The following KMT2D variants were observed in gnomAD, a reference collection of about 807,000 sequenced individuals.
KMT2D encodes the protein histone-lysine N-methyltransferase 2D.
Under a neutral mutation model 512.7 loss-of-function variants are expected in KMT2D, and 55 were observed. That is an observed-to-expected ratio of 0.11 (90% CI 0.09 to 0.13). The LOEUF (loss-of-function observed/expected upper bound fraction) is 0.13. Among genes scored for constraint, KMT2D ranks in the 10% least tolerant of loss-of-function variants. The pLI is 1.00. For missense variants in KMT2D, 6,061 were observed against 7,127.9 expected, an observed-to-expected ratio of 0.85 and a Z score of 5.39; for synonymous variants, 2,995 against 2,904.0, an observed-to-expected ratio of 1.03 and a Z score of -1.01.
rs1937709029 is a variant in KMT2D, at chr12:49,048,668, G to C, written c.4122C>G (p.Val1374=). The part of the protein sequence containing the change: ...VVLFSNTDKF[V]LMQDMCVVCG... ...TCTCACTGTATGGTACCTGCATTAG[G>C]ACAAATTTGTCTGTGTTGGAGAAGA... The change falls in exon 14 of 55, where the codon GTC becomes GTG. Residue 1374 remains valine, a synonymous_variant. Coordinates refer to ENST00000301067, the MANE Select transcript of KMT2D (RefSeq NM_003482.4). 6.2e-7 allele frequency: 1 copy of C among 1,607,912 alleles called. No individual in the cohort carries two copies. The highest frequency in any genetic ancestry group is 8.5e-7 in the Non-Finnish European group (1 of 1,174,484).
In KMT2D at chr12:49,042,915, G is replaced by T; in HGVS notation, c.5645-37C>A. ...TGAAGGACACTGTTGAGGAAGACTG[G>T]GAAGTTCAGGTGACACCACAGGTCT... is the stretch of plus-strand genomic sequence containing the variant. On this transcript the variant is annotated intron_variant, in intron 26 of 54. Transcript: ENST00000301067. The surrounding 1 kb of genome is among the most constrained non-coding windows in gnomAD (Gnocchi z 4.4). 6.2e-7 allele frequency: 1 copy of T among 1,612,434 alleles called. No individual in the cohort carries two copies. Among genetic ancestry groups the T allele is most frequent in the Non-Finnish European group, 8.5e-7 (1 of 1,178,900 alleles).
intron 43 of KMT2D, among the ~76,000 whole-genome samples, chr12:49,029,876 G>A (rs1300599572): frequency 6.6e-6 from 1 of 152,134 alleles, no homozygotes; most frequent in Non-Finnish European, 1.5e-5. Context: ...TCCATTAAGT[G>A]AGTACTACAA....
rs201896284 is a variant in KMT2D at position 49,051,447 on chromosome 12, G to T, written c.2236C>A (p.Arg746=). The T allele has an allele frequency of 6.2e-7, 1 of 1,612,940 alleles. No individual in the cohort carries two copies. The highest frequency in any genetic ancestry group is 8.5e-7 in the Non-Finnish European group (1 of 1,179,354). Residue 746 remains arginine (R), a synonymous_variant, in exon 11 of 55, where the codon CGG becomes AGG. Transcript: ENST00000301067. ...PRSEGPHLSP[R]PEEPHLSPRP... is the part of the protein sequence containing the mutation. ...GGGGACAGGTGCGGCTCCTCAGGCC[G>T]GGGTGACAGGTGCGGCCCCTCGGAC...
rs1228965900 is a variant in KMT2D, at chr12:49,051,351, ATGGCTCCTCAGGCTGGGGGGACAGGTG to A, written c.2305_2331del (p.His769_Pro777del). Reference sequence around the variant, plus strand: ...GGCTCCTCAGGCACAGCGCATAGGCATGGCTCCTCAGGCTGGGGGGACAGGTGTGGCTCCTCAGCCTGCGGAGATAGG... The same window carrying A: ...GGCTCCTCAGGCACAGCGCATAGGCATGGCTCCTCAGCCTGCGGAGATAGG... On this transcript the variant is annotated inframe_deletion, in exon 11 of 55. Transcript: ENST00000301067. The A allele has an allele frequency of 6.4e-7, 1 of 1,557,168 alleles. No individual in the cohort carries two copies. Among genetic ancestry groups the A allele is most frequent in the African/African-American group, 1.5e-5 (1 of 64,956 alleles).
rs748529735 is a variant in KMT2D at position 49,019,458 on chromosome 12, T to G, written c.*2322A>C. Reference sequence around the variant, plus strand: ...AAATTCCAACCTTGTAGCTTGGGTCTGAGTTATAGTTTATATAAAAATTAA... The same window carrying G: ...AAATTCCAACCTTGTAGCTTGGGTCGGAGTTATAGTTTATATAAAAATTAA... On this transcript the variant is annotated 3_prime_UTR_variant, in exon 55 of 55. Coordinates refer to ENST00000301067, the MANE Select transcript of KMT2D (RefSeq NM_003482.4). The G allele has an allele frequency of 3.1e-5, 7 of 223,858 alleles. No homozygotes were observed. Among genetic ancestry groups the G allele is most frequent in the Non-Finnish European group, 6.3e-5 (7 of 111,950 alleles). 13.9% of individuals were successfully genotyped at this position (223,858 alleles called of 1,614,324 possible). A position where few individuals can be genotyped will look rare whatever the true frequency, so the allele number is the denominator to read the frequency against.
intron 1 of KMT2D, among the ~76,000 whole-genome samples, chr12:49,056,751 C>CA (rs1938434095): frequency 6.6e-6 from 1 of 152,216 alleles, no homozygotes; most frequent in African/African-American, 2.4e-5. Context: ...AACTGGAAGG[C>CA]AAATACCCCA....
Position 49,054,935 on chromosome 12 carries a change from C to T in KMT2D, c.141G>A (p.Gly47=). 6.2e-7 allele frequency: 1 copy of T among 1,614,018 alleles called. No homozygotes were observed. ...HVGEVSVLSS[G]SPRLQETPQD... is the part of the protein sequence containing the mutation. ...GAGGAGTCTCCTGAAGCCTGGGACTCCCAGAACTAAGGACAGAGACCTCTC... is the reference window on the plus strand; with the variant it reads ...GAGGAGTCTCCTGAAGCCTGGGACTTCCAGAACTAAGGACAGAGACCTCTC... Residue 47 remains glycine, a synonymous_variant, in exon 3 of 55, where the codon GGG becomes GGA. Transcript: ENST00000301067. This position sits in a 1 kb window ranked among gnomAD's most constrained non-coding sequence, Gnocchi z 6.4.
rs1217331314 is a variant in KMT2D, at chr12:49,040,554, C to T, written c.7216G>A (p.Asp2406Asn). ...CTGGCAGGCACTCGGGAGAAAGGGTCGGAGGGCAGTGAGCGAGGGGGCAGA... is the reference window on the plus strand; with the variant it reads ...CTGGCAGGCACTCGGGAGAAAGGGTTGGAGGGCAGTGAGCGAGGGGGCAGA... ...CALPPRSLPSDPFSRVPASPQ... is the reference protein window; with the variant it reads ...CALPPRSLPSNPFSRVPASPQ... The change falls in exon 32 of 55, where the codon GAC becomes AAC. Residue 2406 changes from aspartate to asparagine, a missense_variant. Physicochemically the swap from Asp to Asn is conservative, Grantham distance 23. Transcript: ENST00000301067. 6 of 1,608,804 alleles carry T rather than the reference C, an allele frequency of 3.7e-6. No individual in the cohort carries two copies. The highest frequency in any genetic ancestry group is 4.2e-6 in the Non-Finnish European group (5 of 1,177,086).
In KMT2D at chr12:49,033,013, G is replaced by T; in HGVS notation, c.11692C>A (p.Gln3898Lys). ...AGCTGCTGCTGCTGCTGAAGCTGCTGTAAAGAGCCCATGGGCTGAGCGCTC... is the reference window on the plus strand; with the variant it reads ...AGCTGCTGCTGCTGCTGAAGCTGCTTTAAAGAGCCCATGGGCTGAGCGCTC... Reference protein sequence around the residue: ...KLSAQPMGSLQQLQQQQQLQQ... With the variant: ...KLSAQPMGSLKQLQQQQQLQQ... The change falls in exon 40 of 55, where the codon CAG becomes AAG. Residue 3898 changes from glutamine (Q) to lysine (K), a missense_variant. By Grantham distance (53) the Gln-to-Lys change is moderately conservative. Coordinates refer to ENST00000301067, the MANE Select transcript of KMT2D (RefSeq NM_003482.4). 6.4e-7 allele frequency: 1 copy of T among 1,551,534 alleles called. No individual in the cohort carries two copies. The highest frequency in any genetic ancestry group is 8.7e-7 in the Non-Finnish European group (1 of 1,146,972).
intron 15 of KMT2D, 57 bp downstream of exon 15, chr12:49,047,908 G>A: frequency 8.1e-7 from 1 of 1,233,096 alleles, no homozygotes. Flanking sequence ...CAAGGAACTA[G>A]GGTAAGAAAT....
rs2120510517 is a variant in KMT2D at position 49,039,338 on chromosome 12, C to T, written c.8250G>A (p.Gly2750=). The change falls in exon 34 of 55, where the codon GGG becomes GGA. Residue 2750 remains glycine (G), a synonymous_variant. Transcript: ENST00000301067. This position sits in a 1 kb window ranked among gnomAD's most constrained non-coding sequence, Gnocchi z 5.0. ...GGCCACTCAGCTTGCTTGGGGGCAA[C>T]CCCACAAGGCTGCTCTTGTCCTAGA... The part of the protein sequence containing the change: ...AGTQDKSSLV[G]LPPSKLSGPI... The T allele has an allele frequency of 6.2e-7, 1 of 1,613,180 alleles. No homozygotes were observed. The highest frequency in any genetic ancestry group is 1.3e-5 in the African/African-American group (1 of 75,032).
At chr12:49,048,157 T>C (rs1037191389) in intron 14 of KMT2D, 88 bp from the exon 15 acceptor site, 2 of 881,598 alleles carry the variant, frequency 2.3e-6, no homozygotes, top group Non-Finnish European at 3.6e-6. Context: ...AACACTGATT[T>C]GCGACCAGAG....
Position 49,046,249 on chromosome 12 carries a change from G to T in KMT2D, c.4583+11C>A, listed in dbSNP as rs1478731022. ...AACAGGGCCAAAGTGAGGAGAAAGG[G>T]ATGTTCTCACCGTTCACAGTGGCGG... On this transcript the variant is annotated intron_variant, in intron 17 of 54. Coordinates refer to ENST00000301067, the MANE Select transcript of KMT2D (RefSeq NM_003482.4). The surrounding 1 kb of genome is among the most constrained non-coding windows in gnomAD (Gnocchi z 4.2). 1.2e-6 allele frequency: 2 copies of T among 1,613,780 alleles called. No homozygotes were observed. The highest frequency in any genetic ancestry group is 2.2e-5 in the East Asian group (1 of 44,896).
In KMT2D at chr12:49,042,129, A is replaced by G; in HGVS notation, c.6069T>C (p.Tyr2023=). The G allele has an allele frequency of 1.9e-6, 3 of 1,613,702 alleles. No individual in the cohort carries two copies. Among genetic ancestry groups the G allele is most frequent in the Non-Finnish European group, 2.5e-6 (3 of 1,179,762 alleles). Reference sequence around the variant, plus strand: ...TGAGATTAGGAAAATTAATGTTGGCATAGAGCACAGGTGAGATGGTGGACA... The same window carrying G: ...TGAGATTAGGAAAATTAATGTTGGCGTAGAGCACAGGTGAGATGGTGGACA... ...GQLSTISPVL[Y]ANINFPNLKQ... Residue 2023 remains tyrosine, a synonymous_variant, in exon 29 of 55, where the codon TAT becomes TAC. Transcript: ENST00000301067. The surrounding 1 kb of genome is among the most constrained non-coding windows in gnomAD (Gnocchi z 4.4).
rs761068128 is a variant in KMT2D, at chr12:49,042,321, C to T, written c.5877G>A (p.Gly1959=). Residue 1959 remains glycine, a synonymous_variant, in exon 29 of 55, where the codon GGG becomes GGA. Transcript: ENST00000301067. The surrounding 1 kb of genome is among the most constrained non-coding windows in gnomAD (Gnocchi z 4.4). ...QSPFLDSRER[G]GFFSPEPGEP... ...CACCGGGTTCCGGGCTAAAGAAGCCCCCGCGCTCCCTGGGGCGCAGGGGCA... is the reference window on the plus strand; with the variant it reads ...CACCGGGTTCCGGGCTAAAGAAGCCTCCGCGCTCCCTGGGGCGCAGGGGCA... 1.2e-5 allele frequency: 18 copies of T among 1,536,120 alleles called. No individual in the cohort carries two copies. The highest frequency in any genetic ancestry group is 1.5e-5 in the Non-Finnish European group (17 of 1,140,416).
At position 49,031,485 on chromosome 12, in the gene KMT2D, A is replaced by G. The variant is rs185126345; in HGVS notation, c.13220T>C (p.Val4407Ala). ...GATGCTGAGTTGGGATGCCTCAGGC[A>G]CCACCTGTCCATTCACCTGGTCCAG... ...GHLDQVNGQV[V>A]PEASQLSIKQ... Residue 4407 changes from valine to alanine, a missense_variant, in exon 40 of 55, where the codon GTG becomes GCG. Val to Ala is a moderately conservative substitution (Grantham distance 64, BLOSUM62 0). Transcript: ENST00000301067. 2.9e-5 allele frequency: 47 copies of G among 1,613,346 alleles called. No individual in the cohort carries two copies. In the African/African-American group the frequency reaches 4.8e-4, roughly 16 times the overall value.
Position 49,032,782 on chromosome 12 carries a change from T to C in KMT2D, c.11923A>G (p.Met3975Val). ...QFQQQQQQQQ[M>V]GLLNQSRTLL... ...GTTCGACTCTGGTTTAAAAGGCCCATCTGCTGCTGTTGCTGCTGCTGTTGA... is the reference window on the plus strand; with the variant it reads ...GTTCGACTCTGGTTTAAAAGGCCCACCTGCTGCTGTTGCTGCTGCTGTTGA... The change falls in exon 40 of 55, where the codon ATG becomes GTG. Residue 3975 changes from methionine (M) to valine (V), a missense_variant. Around this residue, in one of 16 missense-constraint regions of KMT2D, gnomAD observed 1,600 missense variants for 1,754.9 expected, o/e 0.91. Coordinates refer to ENST00000301067, the MANE Select transcript of KMT2D (RefSeq NM_003482.4). 2 of 1,557,174 alleles carry C rather than the reference T, an allele frequency of 1.3e-6. No homozygotes were observed. Among genetic ancestry groups the C allele is most frequent in the Non-Finnish European group, 1.7e-6 (2 of 1,150,018 alleles).
Position 49,046,431 on chromosome 12 carries a change from G to C in KMT2D, c.4419-7C>G, listed in dbSNP as rs750369022. 6.2e-7 allele frequency: 1 copy of C among 1,612,674 alleles called. No homozygotes were observed. Among genetic ancestry groups the C allele is most frequent in the Non-Finnish European group, 8.5e-7 (1 of 1,179,022 alleles). ...CTGCATACAGGACACACACCTGATA[G>C]GAGCAGGAAAACAGAGCTTTAGCAC... On this transcript the variant is annotated splice_polypyrimidine_tract_variant and splice_region_variant and intron_variant, in intron 16 of 54. Coordinates refer to ENST00000301067, the MANE Select transcript of KMT2D (RefSeq NM_003482.4). This position sits in a 1 kb window ranked among gnomAD's most constrained non-coding sequence, Gnocchi z 4.2.
In KMT2D at chr12:49,022,927, A is replaced by G. The variant is rs1942395817; in HGVS notation, c.16053-52T>C. ...GACAGCTCTCCCTCAGACCAAGTACATACCACCCACCTCCTCTGCCACCTC... is the reference window on the plus strand; with the variant it reads ...GACAGCTCTCCCTCAGACCAAGTACGTACCACCCACCTCCTCTGCCACCTC... On this transcript the variant is annotated intron_variant, in intron 51 of 54. Coordinates refer to ENST00000301067, the MANE Select transcript of KMT2D (RefSeq NM_003482.4). The surrounding 1 kb of genome is among the most constrained non-coding windows in gnomAD (Gnocchi z 8.6). 3 of 1,497,318 alleles carry G rather than the reference A, an allele frequency of 2.0e-6. No individual in the cohort carries two copies. The highest frequency in any genetic ancestry group is 1.4e-5 in the African/African-American group (1 of 72,110). The allele number at this position is 1,497,318 out of a possible 1,614,324, so 92.8% of individuals were successfully genotyped here. A position where few individuals can be genotyped will look rare whatever the true frequency, so the allele number is the denominator to read the frequency against.
Sources: allele counts gnomAD v4.1 joint callset (sites outside exome capture counted in the v4.1 genomes callset), GRCh38; gene constraint gnomAD v4.1.1; regional missense constraint gnomAD v4.1.1; non-coding constraint Gnocchi (gnomAD v3.1); transcripts MANE v1.5; gene names NCBI Gene and HGNC (gene_info 2026-07-23, HGNC 2026-07-21).